SLC45A2: variants seen among roughly 807,000 people sequenced by gnomAD.
SLC45A2 encodes membrane-associated transporter protein.
A neutral mutation model predicts 45.5 loss-of-function variants in SLC45A2; 36 were observed. The observed-to-expected ratio is 0.79, with a 90% CI of 0.61 to 1.04. The LOEUF is 1.04. Among genes scored for constraint, SLC45A2 ranks in the 50% least tolerant of loss-of-function variants. The pLI is 0.00. For synonymous variants in SLC45A2, 306 were observed against 269.3 expected, an observed-to-expected ratio of 1.14 and a Z score of -1.33; for missense variants, 719 against 671.0, an observed-to-expected ratio of 1.07 and a Z score of -0.79.
intron 6 of SLC45A2, 52 bp from the exon 7 acceptor site, chr5:33,944,924 G>C (rs761630219): frequency 5.7e-5 from 89 of 1,560,038 alleles, no homozygotes; most frequent in Non-Finnish European, 7.3e-5. Flanking sequence ...CTGTCATTTA[G>C]GGCACAGGTC....
At chr5:33,983,460 C>T (rs1044726484) in intron 1 of SLC45A2, among the ~76,000 whole-genome samples, 1 of 152,220 alleles carries the variant, frequency 6.6e-6, no homozygotes, top group Non-Finnish European at 1.5e-5. Flanking sequence ...CTGGAAATAT[C>T]CTACATTTGT....
At chr5:33,968,497 C>A (rs1752674028) in intron 2 of SLC45A2, among the ~76,000 whole-genome samples, 1 of 152,198 alleles carries the variant, frequency 6.6e-6, no homozygotes, top group Admixed American at 6.5e-5. Context: ...CCCTTCCTCA[C>A]CAAGCCAGGC....
chr5:33,953,317 TAA>T (rs1752174045), intron 4 of SLC45A2, among the ~76,000 whole-genome samples: 1 of 122,494 alleles, frequency 8.2e-6, no homozygotes, highest in Non-Finnish European at 1.8e-5. Flanking sequence ...ACCAACAGTG[TAA>T]AAGTGTTCCT....
intron 2 of SLC45A2, chr5:33,971,078 G>A (rs1752761690): frequency 2.0e-6 from 1 of 510,020 alleles, no homozygotes; most frequent in Admixed American, 2.1e-5. Flanking sequence ...CATTGTTAAA[G>A]CTGCAGATGG....
intron 3 of SLC45A2, among the ~76,000 whole-genome samples, chr5:33,956,395 G>A (rs972776342): frequency 6.6e-6 from 1 of 152,096 alleles, no homozygotes; most frequent in Non-Finnish European, 1.5e-5. Context: ...GCTACCGAGA[G>A]GTAGAATTGG....
chr5:33,961,318 A>G (rs1295123460), intron 3 of SLC45A2, among the ~76,000 whole-genome samples: 1 of 152,120 alleles, frequency 6.6e-6, no homozygotes, highest in East Asian at 1.9e-4. Context: ...TCCATCATCC[A>G]CCTAATAAAA....
chr5:33,984,072 T>C (rs1399752199), intron 1 of SLC45A2, 127 bp downstream of exon 1: 7 of 1,371,620 alleles, frequency 5.1e-6, no homozygotes, highest in Non-Finnish European at 4.0e-6. Context: ...GGGAAGTTCA[T>C]TGTAACCTAG....
chr5:33,956,983 G>T (rs1178756175), intron 3 of SLC45A2, among the ~76,000 whole-genome samples: 2 of 151,840 alleles, frequency 1.3e-5, no homozygotes, highest in African/African-American at 4.8e-5. Flanking sequence ...ACACATATAT[G>T]TAAAAAATGA....
rs1441170551 is a variant in SLC45A2, at chr5:33,963,872, C to T, written c.707G>A (p.Ser236Asn). Reference protein sequence around the residue: ...LTLCFTVHLCSISEAPLTEVA... With the variant: ...LTLCFTVHLCNISEAPLTEVA... ...CTCTGTAAGTGGGGCTTCAGAGATA[C>T]TGCACAGATGAACAGTAAAACACAA... The change falls in exon 3 of 7, where the codon AGT (serine) becomes AAT (asparagine). Residue 236 changes from serine to asparagine, a missense_variant. By Grantham distance (46) the Ser-to-Asn change is conservative. Transcript: ENST00000296589. The T allele has an allele frequency of 6.2e-7, 1 of 1,614,126 alleles. No individual in the cohort carries two copies. Among genetic ancestry groups the T allele is most frequent in the South Asian group, 1.1e-5 (1 of 91,072 alleles).
rs751342372 is a variant in SLC45A2, at chr5:33,982,433, G to T, written c.386-21C>A. On this transcript the variant is annotated intron_variant, in intron 1 of 6. Transcript: ENST00000296589. ...CAAAGCTAAAAGAAAAATAAACATT[G>T]GTCTCCTAAATCCTGTTTTAGAATC... 6.4e-5 allele frequency: 103 copies of T among 1,611,478 alleles called. 1 individual carries two copies. In the South Asian group the frequency reaches 1.1e-3, roughly 17 times the overall value.
intron 2 of SLC45A2, among the ~76,000 whole-genome samples, chr5:33,964,434 C>G (rs1752545325): frequency 6.6e-6 from 1 of 152,114 alleles, no homozygotes; most frequent in Non-Finnish European, 1.5e-5. Context: ...GAAAAAGCCC[C>G]AAAGAAAACC....
At chr5:33,971,234 A>G in intron 2 of SLC45A2, 1 of 531,550 alleles carries the variant, frequency 1.9e-6, no homozygotes, top group South Asian at 1.4e-5. Context: ...ATGTCTCATG[A>G]GGATCCTGGG....
At chr5:33,957,356 A>ACTT (rs1169886753) in intron 3 of SLC45A2, among the ~76,000 whole-genome samples, 3 of 152,130 alleles carry the variant, frequency 2.0e-5, no homozygotes, top group Non-Finnish European at 4.4e-5. Flanking sequence ...TATTTTTTAT[A>ACTT]CTTCTTAACC....
intron 3 of SLC45A2, among the ~76,000 whole-genome samples, chr5:33,955,956 A>C (rs1327558077): frequency 6.6e-6 from 1 of 152,188 alleles, no homozygotes; most frequent in Non-Finnish European, 1.5e-5. Flanking sequence ...TTATGAAGAC[A>C]ATGTCCCAAA....
chr5:33,955,968 A>G (rs1333370505), intron 3 of SLC45A2, among the ~76,000 whole-genome samples: 3 of 152,194 alleles, frequency 2.0e-5, no homozygotes, highest in East Asian at 3.8e-4. Context: ...TGTCCCAAAG[A>G]AATCAGCAGT....
rs3776561 is a variant in SLC45A2, at chr5:33,950,849, G to A, written c.1156+705C>T. On this transcript the variant is annotated intron_variant, in intron 5 of 6. Coordinates refer to ENST00000296589, the MANE Select transcript of SLC45A2 (RefSeq NM_016180.5). ...ACTGCATACATTTTTCAGGCCAGAC[G>A]TTTCACTTAACTCAATGTATACAGA... 1.1e-4 allele frequency among the ~76,000 whole-genome samples: 17 copies of A among 152,292 alleles called. No homozygotes were observed. The East Asian group carries it at 3.3e-3, about 29-fold the overall frequency.
At chr5:33,954,285 C>A in intron 4 of SLC45A2, 76 bp downstream of exon 4, 2 of 1,592,512 alleles carry the variant, frequency 1.3e-6, no homozygotes, top group Admixed American at 3.4e-5. Context: ...TAGAGGATAG[C>A]CCAGAAGAAC....
intron 2 of SLC45A2, among the ~76,000 whole-genome samples, chr5:33,976,865 C>T (rs1012453890): frequency 6.6e-6 from 1 of 152,186 alleles, no homozygotes; most frequent in Non-Finnish European, 1.5e-5. Context: ...GTGCTCCATC[C>T]ACATCCCATC....
chr5:33,980,034 A>G (rs1214682160), intron 2 of SLC45A2, among the ~76,000 whole-genome samples: 1 of 152,188 alleles, frequency 6.6e-6, no homozygotes, highest in African/African-American at 2.4e-5. Flanking sequence ...GTAGATCAAT[A>G]AACTCTTAAT....
Sources: allele counts gnomAD v4.1 joint callset (sites outside exome capture counted in the v4.1 genomes callset), GRCh38; gene constraint gnomAD v4.1.1; transcripts MANE v1.5; gene names NCBI Gene and HGNC (gene_info 2026-07-23, HGNC 2026-07-21).